Variants in IQGAP2 observed in about 807,000 individuals in gnomAD.
The protein encoded by IQGAP2 is ras GTPase-activating-like protein IQGAP2.
Under a neutral mutation model 201.3 loss-of-function variants are expected in IQGAP2, and 173 were observed. The ratio of observed to expected loss-of-function variants is 0.86; its 90% CI spans 0.76 to 0.98. IQGAP2 has a LOEUF of 0.98. Ranked by LOEUF, IQGAP2 falls within the 50% of genes least tolerant of loss-of-function variation. The pLI is 0.00. For synonymous variants in IQGAP2, 675 were observed against 673.9 expected (o/e 1.00, Z -0.03); for missense variants, 1,687 against 1,864.8 (o/e 0.90, Z 1.76).
At chr5:76,573,612 T>C (rs564807631) in intron 4 of IQGAP2, among the ~76,000 whole-genome samples, 16 of 152,176 alleles carry the variant, frequency 1.1e-4, no homozygotes, top group African/African-American at 2.6e-4. Flanking sequence ...CCGGTAATAC[T>C]CTTTTTTGTT....
chr5:76,552,771 G>A (rs1366052565), intron 2 of IQGAP2, among the ~76,000 whole-genome samples: 1 of 152,164 alleles, frequency 6.6e-6, no homozygotes, highest in Non-Finnish European at 1.5e-5. Flanking sequence ...GTGGAACACA[G>A]TTTGGGGAAG....
intron 2 of IQGAP2, among the ~76,000 whole-genome samples, chr5:76,560,974 A>G (rs1744325460): frequency 6.6e-6 from 1 of 152,238 alleles, no homozygotes; most frequent in Admixed American, 6.5e-5. Flanking sequence ...ATAATAAAAC[A>G]GAACAATTAT....
At chr5:76,416,174 G>A (rs928466969) in intron 1 of IQGAP2, among the ~76,000 whole-genome samples, 3 of 152,142 alleles carry the variant, frequency 2.0e-5, no homozygotes, top group East Asian at 3.9e-4. Context: ...ATTTACATAG[G>A]GTTTATGACC....
chr5:76,601,041 A>G, intron 11 of IQGAP2, 69 bp downstream of exon 11: 2 of 1,503,196 alleles, frequency 1.3e-6, no homozygotes, highest in East Asian at 2.3e-5. Flanking sequence ...AAAGTGAGGA[A>G]TTTGCCTGTT....
intron 16 of IQGAP2, among the ~76,000 whole-genome samples, chr5:76,639,170 A>G (rs1437177484): frequency 6.6e-6 from 1 of 152,228 alleles, no homozygotes; most frequent in Non-Finnish European, 1.5e-5. Context: ...GAGATAGAGC[A>G]AATATTCTCA....
intron 2 of IQGAP2, among the ~76,000 whole-genome samples, chr5:76,523,446 G>A (rs777957932): frequency 1.1e-4 from 17 of 152,004 alleles, no homozygotes; most frequent in Non-Finnish European, 1.9e-4. Flanking sequence ...TAGCAATCTC[G>A]CCATATCAAA....
chr5:76,481,220 G>A (rs1302621890), intron 2 of IQGAP2, among the ~76,000 whole-genome samples: 1 of 151,790 alleles, frequency 6.6e-6, no homozygotes, highest in Non-Finnish European at 1.5e-5. Flanking sequence ...GTCTCTACCG[G>A]GGCTGTCCTC....
At chr5:76,541,065 A>G (rs1742736699) in intron 2 of IQGAP2, among the ~76,000 whole-genome samples, 1 of 152,202 alleles carries the variant, frequency 6.6e-6, no homozygotes, top group Non-Finnish European at 1.5e-5. Context: ...AACCATTTTT[A>G]AATGGACAAT....
chr5:76,469,222 C>T (rs961145311), intron 2 of IQGAP2, among the ~76,000 whole-genome samples: 6 of 151,968 alleles, frequency 3.9e-5, no homozygotes, highest in African/African-American at 1.5e-4. Flanking sequence ...CTTAATAAGC[C>T]GTGATACCAC....
chr5:76,502,455 A>C (rs1001636264), intron 2 of IQGAP2, among the ~76,000 whole-genome samples: 9 of 152,180 alleles, frequency 5.9e-5, no homozygotes, highest in African/African-American at 2.2e-4. Context: ...GGATTTTTTC[A>C]AATGGCCATT....
intron 5 of IQGAP2, among the ~76,000 whole-genome samples, chr5:76,585,622 C>G (rs1366362427): frequency 8.6e-5 from 13 of 151,864 alleles, no homozygotes; most frequent in Admixed American, 8.5e-4. Context: ...TCAAGCGATT[C>G]TCCTGCCTCA....
At chr5:76,621,477 A>T (rs2069658) in intron 13 of IQGAP2, among the ~76,000 whole-genome samples, 102,721 of 152,110 alleles carry the variant, frequency 0.68, 35,875 homozygotes, top group Non-Finnish European at 0.78. Context: ...TGCATCTGAC[A>T]TCACCCAAAG....
At chr5:76,480,108 G>A (rs1177520266) in intron 2 of IQGAP2, among the ~76,000 whole-genome samples, 1 of 152,060 alleles carries the variant, frequency 6.6e-6, no homozygotes, top group Non-Finnish European at 1.5e-5. Context: ...TGTGTAGGTG[G>A]GGGCTGGGCA....
At chr5:76,632,521 A>G (rs1750793405) in intron 15 of IQGAP2, among the ~76,000 whole-genome samples, 3 of 152,242 alleles carry the variant, frequency 2.0e-5, no homozygotes, top group South Asian at 2.1e-4. Context: ...AGCTCTGGAA[A>G]GAATCTTTGA....
At chr5:76,442,941 C>T (rs555909671) in intron 1 of IQGAP2, among the ~76,000 whole-genome samples, 25 of 152,256 alleles carry the variant, frequency 1.6e-4, no homozygotes, top group Non-Finnish European at 3.1e-4. Flanking sequence ...AAGGCAAGAT[C>T]GTGCCACTGC....
At chr5:76,493,804 G>A (rs964934175) in intron 2 of IQGAP2, among the ~76,000 whole-genome samples, 7 of 152,092 alleles carry the variant, frequency 4.6e-5, no homozygotes, top group African/African-American at 1.2e-4. Flanking sequence ...TTACTAGTAC[G>A]GCCTAGTTAA....
intron 13 of IQGAP2, among the ~76,000 whole-genome samples, chr5:76,622,265 G>T (rs184983502): frequency 6.6e-6 from 1 of 152,096 alleles, no homozygotes; most frequent in East Asian, 1.9e-4. Context: ...CAACATATTG[G>T]CCCATCTACT....
chr5:76,521,730 G>C (rs1379107990), intron 2 of IQGAP2, among the ~76,000 whole-genome samples: 1 of 152,124 alleles, frequency 6.6e-6, no homozygotes, highest in African/African-American at 2.4e-5. Flanking sequence ...TGGTTCAGTT[G>C]CTCTCAGATG....
intron 13 of IQGAP2, among the ~76,000 whole-genome samples, chr5:76,625,151 T>G (rs1750105345): frequency 6.6e-6 from 1 of 152,228 alleles, no homozygotes; most frequent in African/African-American, 2.4e-5. Flanking sequence ...AGTTCAATGT[T>G]TCATAATTTA....
Sources: allele counts gnomAD v4.1 joint callset (sites outside exome capture counted in the v4.1 genomes callset), GRCh38; gene constraint gnomAD v4.1.1; transcripts MANE v1.5; gene names NCBI Gene and HGNC (gene_info 2026-07-23, HGNC 2026-07-21).